SDK1: variants seen among roughly 807,000 people sequenced by gnomAD.
SDK1 encodes protein sidekick-1.
Under a neutral mutation model 245.5 loss-of-function variants are expected in SDK1, and 157 were observed. The ratio of observed to expected loss-of-function variants is 0.64; its 90% confidence interval spans 0.56 to 0.73. SDK1 has a LOEUF of 0.73. Ranked by LOEUF, SDK1 falls within the 30% of genes least tolerant of loss-of-function variation. SDK1 has a pLI of 0.00. For missense variants in SDK1, 3,583 were observed against 3,002.3 expected, an observed-to-expected ratio of 1.19 and a Z score of -4.52; for synonymous variants, 1,647 against 1,278.5, an observed-to-expected ratio of 1.29 and a Z score of -6.15.
chr7:3,371,084 G>T (rs1407061411), intron 1 of SDK1, among the ~76,000 whole-genome samples: 1 of 152,154 alleles, frequency 6.6e-6, no homozygotes, highest in Non-Finnish European at 1.5e-5. Flanking sequence ...TGATACATGT[G>T]ACAGTTGACA....
intron 2 of SDK1, 96 bp from the exon 3 acceptor site, chr7:3,638,908 G>C (rs577687835): frequency 3.2e-6 from 2 of 621,506 alleles, no homozygotes; most frequent in Non-Finnish European, 5.6e-6. Context: ...TACTAGATGA[G>C]ATGCCAGTGC....
chr7:3,573,737 C>T (rs1286963644), intron 1 of SDK1, among the ~76,000 whole-genome samples: 2 of 152,004 alleles, frequency 1.3e-5, no homozygotes, highest in African/African-American at 2.4e-5. Flanking sequence ...AGCCAGGCTG[C>T]GTGGTGGCTG....
chr7:3,781,193 G>T (rs1246422192), intron 4 of SDK1, among the ~76,000 whole-genome samples: 1 of 152,102 alleles, frequency 6.6e-6, no homozygotes, highest in Non-Finnish European at 1.5e-5. Flanking sequence ...CTATAGCCCT[G>T]CCCAACTGTA....
chr7:3,421,150 C>A (rs1038273273), intron 1 of SDK1, among the ~76,000 whole-genome samples: 11 of 148,450 alleles, frequency 7.4e-5, no homozygotes, highest in Non-Finnish European at 1.3e-4. Context: ...TGTCTCACTG[C>A]AACATTTGCC....
chr7:3,986,306 G>A (rs1259178235), intron 13 of SDK1, among the ~76,000 whole-genome samples: 1 of 151,632 alleles, frequency 6.6e-6, no homozygotes, highest in East Asian at 1.9e-4. Context: ...TGGGATTTTA[G>A]TGAGTGGTTT....
intron 5 of SDK1, among the ~76,000 whole-genome samples, chr7:3,873,447 C>T (rs1781005238): frequency 6.6e-6 from 1 of 152,002 alleles, no homozygotes; most frequent in South Asian, 2.1e-4. Flanking sequence ...TTTTGTTTTG[C>T]TGCTTGATGT....
intron 1 of SDK1, among the ~76,000 whole-genome samples, chr7:3,596,758 C>G (rs1287380394): frequency 6.6e-6 from 1 of 152,178 alleles, no homozygotes; most frequent in Non-Finnish European, 1.5e-5. Context: ...TGAGCGAAGA[C>G]TAATTCTGGA....
In SDK1 at chr7:3,707,586, A is replaced by T. The variant is rs1784927229; in HGVS notation, c.713+65481A>T. 2.0e-5 allele frequency among the ~76,000 whole-genome samples: 3 copies of T among 152,178 alleles called. 1 individual carries two copies. In the South Asian group the frequency reaches 6.2e-4, roughly 31 times the overall value. On this transcript the variant is annotated intron_variant, in intron 4 of 44. Coordinates refer to ENST00000404826, the MANE Select transcript of SDK1 (RefSeq NM_152744.4). ...GGTCCATTTGTTCTACAGGAGTTTA[A>T]GTCCATTGTTTGTTCGTTGACTTTC... is the stretch of plus-strand genomic sequence containing the variant.
chr7:3,912,928 G>C (rs1051733995), intron 5 of SDK1, among the ~76,000 whole-genome samples: 2 of 152,260 alleles, frequency 1.3e-5, no homozygotes, highest in African/African-American at 4.8e-5. Flanking sequence ...GCAAGTCACA[G>C]TTTTCATGTA....
chr7:4,195,138 A>C (rs538913187), intron 35 of SDK1, among the ~76,000 whole-genome samples: 2 of 152,348 alleles, frequency 1.3e-5, no homozygotes, highest in South Asian at 4.1e-4. Context: ...AGTAATGTTT[A>C]CCATGTGGAA....
At chr7:3,590,300 C>CTTTTTTTTTTT (rs200303832) in intron 1 of SDK1, among the ~76,000 whole-genome samples, 45 of 96,132 alleles carry the variant, frequency 4.7e-4, no homozygotes, top group Non-Finnish European at 6.0e-4. Context: ...TTTCCTGTTC[C>CTTTTTTTTTTT]TTTTTTTTTT....
At chr7:4,109,365 C>T (rs1783177032) in intron 22 of SDK1, among the ~76,000 whole-genome samples, 2 of 152,218 alleles carry the variant, frequency 1.3e-5, no homozygotes, top group Admixed American at 6.5e-5. Context: ...GCCAGTTTAC[C>T]AAGGTCATTT....
chr7:4,262,573 CA>C (rs1407911697), intron 44 of SDK1, among the ~76,000 whole-genome samples: 1 of 151,668 alleles, frequency 6.6e-6, no homozygotes, highest in African/African-American at 2.4e-5. Context: ...GCCGGGGAGA[CA>C]TATTAGACAC....
At chr7:4,221,080 G>C (rs540659265) in intron 39 of SDK1, among the ~76,000 whole-genome samples, 159 bp from the exon 40 acceptor site, 2 of 152,172 alleles carry the variant, frequency 1.3e-5, no homozygotes, top group East Asian at 1.9e-4. Flanking sequence ...TTGCCTCCCT[G>C]TTATTAAGAT....
intron 4 of SDK1, among the ~76,000 whole-genome samples, chr7:3,709,446 T>C (rs1784976455): frequency 6.6e-6 from 1 of 152,210 alleles, no homozygotes; most frequent in Non-Finnish European, 1.5e-5. Flanking sequence ...GGGTTAAGGC[T>C]TTCTCTGTGG....
At chr7:4,005,852 G>A (rs1446553841) in intron 14 of SDK1, among the ~76,000 whole-genome samples, 1 of 152,116 alleles carries the variant, frequency 6.6e-6, no homozygotes, top group East Asian at 1.9e-4. Flanking sequence ...GCCACGTGGC[G>A]AAATCCCGTC....
At chr7:3,645,786 T>TA (rs370987375) in intron 4 of SDK1, among the ~76,000 whole-genome samples, 17 of 152,322 alleles carry the variant, frequency 1.1e-4, no homozygotes, top group Admixed American at 4.6e-4. Flanking sequence ...AGATGCCATT[T>TA]AAAAACTAGA....
At chr7:3,950,023 T>C (rs1186082396) in intron 5 of SDK1, among the ~76,000 whole-genome samples, 1 of 152,196 alleles carries the variant, frequency 6.6e-6, no homozygotes, top group Non-Finnish European at 1.5e-5. Context: ...AAATAGCAGG[T>C]AGACTAGGTA....
intron 5 of SDK1, among the ~76,000 whole-genome samples, chr7:3,859,045 G>A (rs1337368309): frequency 2.0e-5 from 3 of 151,368 alleles, no homozygotes; most frequent in African/African-American, 7.3e-5. Flanking sequence ...TGTATTTTTA[G>A]TAGAGACGGG....
Sources: gnomAD v4.1 joint callset for allele counts (sites outside exome capture counted in the v4.1 genomes callset) on GRCh38, gnomAD v4.1.1 for gene constraint, MANE v1.5 for transcripts, NCBI Gene and HGNC (gene_info 2026-07-23, HGNC 2026-07-21) for gene names.